Variants in HS2ST1 observed in about 807,000 individuals in gnomAD.
The protein encoded by HS2ST1 is 2-O-sulfotransferase.
Under a neutral mutation model 42.9 loss-of-function variants are expected in HS2ST1, and 18 were observed. That is an observed-to-expected ratio of 0.42 (90% CI 0.29 to 0.62). The LOEUF (loss-of-function observed/expected upper bound fraction) is 0.62. Among genes scored for constraint, HS2ST1 ranks in the 20% least tolerant of loss-of-function variants. The probability of loss-of-function intolerance (pLI) is 0.21; values close to 1 mark genes in which losing one functional copy is unlikely to be tolerated. For synonymous variants in HS2ST1, 146 were observed against 152.9 expected (o/e 0.95, Z 0.33); for missense variants, 334 against 433.8 (o/e 0.77, Z 2.04).
At chr1:87,080,547 C>G (rs145520675) in intron 2 of HS2ST1, among the ~76,000 whole-genome samples, 1 of 152,060 alleles carries the variant, frequency 6.6e-6, no homozygotes, top group Non-Finnish European at 1.5e-5. Flanking sequence ...CAGCAATTGT[C>G]CCCCAGCAGG....
intron 2 of HS2ST1, among the ~76,000 whole-genome samples, chr1:87,081,590 A>G (rs1019657947): frequency 2.0e-5 from 3 of 152,326 alleles, no homozygotes; most frequent in Non-Finnish European, 4.4e-5. Context: ...AAAAGTAGAC[A>G]AACTTCAAAT....
At chr1:87,058,984 A>T (rs1651048503) in intron 1 of HS2ST1, among the ~76,000 whole-genome samples, 1 of 151,376 alleles carries the variant, frequency 6.6e-6, no homozygotes, top group South Asian at 2.1e-4. Context: ...GCGTGAACCC[A>T]GGAGGCAGAG....
At chr1:87,076,723 C>T (rs773936919) in intron 2 of HS2ST1, among the ~76,000 whole-genome samples, 6 of 150,922 alleles carry the variant, frequency 4.0e-5, no homozygotes, top group Admixed American at 6.6e-5. Flanking sequence ...GTTTGCTTTG[C>T]TGTCATGTGT....
intron 1 of HS2ST1, among the ~76,000 whole-genome samples, chr1:87,047,509 A>T (rs191636244): frequency 3.3e-5 from 5 of 152,094 alleles, no homozygotes; most frequent in Admixed American, 3.3e-4. Flanking sequence ...AATTACTAGG[A>T]TTGTTTCTTC....
At chr1:87,101,170 T>G (rs1382659214) in intron 5 of HS2ST1, among the ~76,000 whole-genome samples, 7 of 125,314 alleles carry the variant, frequency 5.6e-5, no homozygotes, top group East Asian at 4.6e-4. Flanking sequence ...TTTTTTTTTT[T>G]TTTTTTTTTT....
chr1:87,014,382 C>T (rs1649689718), intron 1 of HS2ST1, among the ~76,000 whole-genome samples: 1 of 152,150 alleles, frequency 6.6e-6, no homozygotes, highest in African/African-American at 2.4e-5. Context: ...TTTAATAGTA[C>T]AAGAACAGCA....
At chr1:86,963,631 G>T (rs531006275) in intron 1 of HS2ST1, among the ~76,000 whole-genome samples, 4 of 151,834 alleles carry the variant, frequency 2.6e-5, no homozygotes, top group African/African-American at 9.7e-5. Context: ...CAACAAAACC[G>T]CCATCGTCAT....
intron 1 of HS2ST1, among the ~76,000 whole-genome samples, chr1:87,044,720 G>C (rs996924759): frequency 6.6e-6 from 1 of 152,206 alleles, no homozygotes; most frequent in African/African-American, 2.4e-5. Flanking sequence ...TTTGTTCAAA[G>C]GGTTTTTAAA....
chr1:86,918,614 A>G (rs1660220427), intron 1 of HS2ST1, among the ~76,000 whole-genome samples: 1 of 152,096 alleles, frequency 6.6e-6, no homozygotes, highest in Non-Finnish European at 1.5e-5. Context: ...TGAATTCTGT[A>G]TGTGAGATTG....
chr1:87,007,249 C>T (rs79907408), intron 1 of HS2ST1, among the ~76,000 whole-genome samples: 4,139 of 152,052 alleles, frequency 0.027, 196 homozygotes, highest in African/African-American at 0.094. Context: ...AGTTCATACA[C>T]GTACTTTCAC....
At chr1:86,959,531 G>T (rs578166484) in intron 1 of HS2ST1, among the ~76,000 whole-genome samples, 1 of 152,088 alleles carries the variant, frequency 6.6e-6, no homozygotes, top group Non-Finnish European at 1.5e-5. Context: ...GGTGGTGCAC[G>T]TCTGTAGTCC....
intron 1 of HS2ST1, among the ~76,000 whole-genome samples, chr1:86,922,358 A>T (rs1660317644): frequency 6.6e-6 from 1 of 151,670 alleles, no homozygotes; most frequent in African/African-American, 2.4e-5. Flanking sequence ...AAAATATATA[A>T]AATGTTTAAA....
intron 1 of HS2ST1, among the ~76,000 whole-genome samples, chr1:87,039,947 TG>T (rs1380378501): frequency 6.6e-6 from 1 of 152,140 alleles, no homozygotes; most frequent in Non-Finnish European, 1.5e-5. Context: ...GTCTAATTAG[TG>T]GCATTTTAAA....
chr1:86,944,966 A>G (rs1472090265), intron 1 of HS2ST1, among the ~76,000 whole-genome samples: 5 of 151,276 alleles, frequency 3.3e-5, no homozygotes, highest in Non-Finnish European at 7.4e-5. Flanking sequence ...CCTATTTCTA[A>G]TTTGCAACCT....
At chr1:87,050,319 T>A (rs753146653) in intron 1 of HS2ST1, among the ~76,000 whole-genome samples, 5 of 152,016 alleles carry the variant, frequency 3.3e-5, no homozygotes, top group Non-Finnish European at 7.4e-5. Flanking sequence ...ATTTGATAGA[T>A]CCCATCAAGT....
chr1:86,984,847 A>T (rs960441499), intron 1 of HS2ST1, among the ~76,000 whole-genome samples: 2 of 149,842 alleles, frequency 1.3e-5, no homozygotes, highest in Non-Finnish European at 1.5e-5. Context: ...CAGAGGTTGC[A>T]GTGAGTTCAG....
At chr1:87,095,873 A>G (rs186783059) in intron 4 of HS2ST1, among the ~76,000 whole-genome samples, 2 of 151,526 alleles carry the variant, frequency 1.3e-5, no homozygotes, top group Admixed American at 6.6e-5. Context: ...GCACATAACT[A>G]TTTCTCCTCC....
intron 1 of HS2ST1, among the ~76,000 whole-genome samples, chr1:87,071,690 T>C (rs1212784505): frequency 1.3e-5 from 2 of 148,566 alleles, no homozygotes; most frequent in African/African-American, 2.5e-5. Context: ...TTCGAACCAC[T>C]GTACTCCAGC....
In HS2ST1 at chr1:86,958,841, G is replaced by A. The variant is rs533716374; in HGVS notation, c.124+43681G>A. Among the ~76,000 whole-genome samples the A allele has an allele frequency of 3.9e-5, 6 of 152,142 alleles. No homozygotes were observed. The East Asian group carries it at 7.7e-4, about 20-fold the overall frequency. On this transcript the variant is annotated intron_variant, in intron 1 of 6. Coordinates refer to ENST00000370550, the MANE Select transcript of HS2ST1 (RefSeq NM_012262.4). ...AATATAAATGTAAAAATCCTCAACC[G>A]AATATTAGCAAATCAAATCCAAAAA...
Sources: gnomAD v4.1 joint callset for allele counts (sites outside exome capture counted in the v4.1 genomes callset) on GRCh38, gnomAD v4.1.1 for gene constraint, MANE v1.5 for transcripts, NCBI Gene and HGNC (gene_info 2026-07-23, HGNC 2026-07-21) for gene names.